FANCE: variants seen among roughly 807,000 people sequenced by gnomAD.
FANCE encodes Fanconi anemia group E protein.
FANCE carries 42 observed loss-of-function variants against 57.8 expected under a neutral mutation model. The ratio of observed to expected loss-of-function variants is 0.73; its 90% confidence interval spans 0.57 to 0.94. The LOEUF is 0.94. Among genes scored for constraint, FANCE ranks in the 40% least tolerant of loss-of-function variants. The probability of loss-of-function intolerance (pLI) is 0.00; values close to 1 mark genes in which losing one functional copy is unlikely to be tolerated. For synonymous variants in FANCE, 251 were observed against 286.4 expected (o/e 0.88, Z 1.25); for missense variants, 608 against 661.8 (o/e 0.92, Z 0.89).
At position 35,457,937 on chromosome 6, in the gene FANCE, GC is replaced by G. The variant is rs587778337; in HGVS notation, c.929del (p.Pro310GlnfsTer54). 2 of 1,613,782 alleles carry G rather than the reference GC, an allele frequency of 1.2e-6. No homozygotes were observed. Among genetic ancestry groups the G allele is most frequent in the South Asian group, 1.1e-5 (1 of 91,080 alleles). On this transcript the variant is annotated frameshift_variant, in exon 4 of 10. Transcript: ENST00000229769. LOFTEE classifies it high-confidence loss of function. The part of the protein sequence containing the change: ...LEEGLEGLED[A>X]PPVELQLLHE... ...CCAGGGGTTAGAGGGATTGGAGGAT[GC>G]CCCCCCAGTTGAGCTACAGCTTCTT...
Position 35,456,087 on chromosome 6 carries a change from C to T in FANCE, c.589C>T (p.Pro197Ser). Residue 197 changes from proline (P) to serine (S), a missense_variant, in exon 2 of 10, where the codon CCT (proline) becomes TCT (serine). By Grantham distance (74) the Pro-to-Ser change is moderately conservative. Transcript: ENST00000229769. This position sits in a 1 kb window ranked among gnomAD's most constrained non-coding sequence, Gnocchi z 4.3. ...EEEENRDSQQ[P>S]GKRRKDSEEE... ...AGAGGAGAACAGGGACTCCCAGCAG[C>T]CTGGGAAACGCAGAAAGGACTCAGA... 6.2e-7 allele frequency: 1 copy of T among 1,613,894 alleles called. No homozygotes were observed. The highest frequency in any genetic ancestry group is 8.5e-7 in the Non-Finnish European group (1 of 1,179,970).
intron 9 of FANCE, among the ~76,000 whole-genome samples, chr6:35,465,994 C>T (rs1767816461): frequency 1.3e-5 from 2 of 152,198 alleles, no homozygotes; most frequent in Admixed American, 1.3e-4. Context: ...ATATAAAGTG[C>T]TGCCACATAG....
chr6:35,454,924 G>A (rs1010865288), intron 1 of FANCE, among the ~76,000 whole-genome samples: 1 of 152,144 alleles, frequency 6.6e-6, no homozygotes, highest in Non-Finnish European at 1.5e-5. Context: ...CTGGGCTGGC[G>A]CTGTGCTGAG....
rs1255996088 is a variant in FANCE, at chr6:35,460,579, G to A, written c.1344G>A (p.Glu448=). Residue 448 remains glutamate (E), a synonymous_variant, in exon 8 of 10, where the codon GAG becomes GAA. Transcript: ENST00000229769. ...AGATCTTGGAGCTGCCCTGGAAGGA[G>A]GAAACTTTCTTGGTGTTGCAGTCAC... The part of the protein sequence containing the change: ...LGQILELPWK[E]ETFLVLQSLL... 4 of 1,614,178 alleles carry A rather than the reference G, an allele frequency of 2.5e-6. No individual in the cohort carries two copies. The highest frequency in any genetic ancestry group is 3.4e-6 in the Non-Finnish European group (4 of 1,180,016).
intron 1 of FANCE, among the ~76,000 whole-genome samples, chr6:35,455,363 A>G (rs1340424258): frequency 6.6e-6 from 1 of 151,044 alleles, no homozygotes; most frequent in Non-Finnish European, 1.5e-5. Context: ...GCTGGAGTGC[A>G]GTGGCATGAT....
At chr6:35,463,310 C>CAA (rs1377454354) in intron 9 of FANCE, among the ~76,000 whole-genome samples, 1 of 151,534 alleles carries the variant, frequency 6.6e-6, no homozygotes, top group African/African-American at 2.4e-5. Flanking sequence ...AAAACAAAAA[C>CAA]AAAAACAAAA....
At chr6:35,462,652 A>G in intron 8 of FANCE, 137 bp from the exon 9 acceptor site, 1 of 958,756 alleles carries the variant, frequency 1.0e-6, no homozygotes. Context: ...ATGGAAATGG[A>G]GGTTTAGGTT....
At chr6:35,459,828 G>A in intron 7 of FANCE, 68 bp downstream of exon 7, 1 of 1,405,884 alleles carries the variant, frequency 7.1e-7, no homozygotes, top group Non-Finnish European at 1.0e-6. Context: ...GACATCACAT[G>A]TGTTGGGCCC....
At chr6:35,460,455 C>T (rs975576744) in intron 7 of FANCE, 97 bp from the exon 8 acceptor site, 1 of 1,255,994 alleles carries the variant, frequency 8.0e-7, no homozygotes, top group African/African-American at 1.5e-5. Flanking sequence ...TTGGCTGTCC[C>T]CAGGGCCTTG....
chr6:35,463,813 G>T (rs1767692110), intron 9 of FANCE, among the ~76,000 whole-genome samples: 1 of 151,800 alleles, frequency 6.6e-6, no homozygotes, highest in Admixed American at 6.6e-5. Context: ...CTGCCACCAC[G>T]CCTGGCTAAT....
intron 4 of FANCE, 109 bp from the exon 5 acceptor site, chr6:35,458,188 C>CCT: frequency 2.0e-6 from 3 of 1,486,838 alleles, no homozygotes; most frequent in Non-Finnish European, 2.8e-6. Context: ...CTTTCTTTGC[C>CCT]CTGGAGTATC....
chr6:35,456,427 G>A lies in FANCE; in HGVS notation c.855+74G>A, dbSNP rs118179009. The A allele has an allele frequency of 4.9e-4, 784 of 1,597,038 alleles. 5 individuals carry two copies. The East Asian group carries it at 0.012, about 25-fold the overall frequency. The stretch of plus-strand genomic sequence containing the variant: ...GCTTTATCCATGGGGAAGGCTGCTT[G>A]GGACACTTTTTCCCAATGGAGTTGA... On this transcript the variant is annotated intron_variant, in intron 2 of 9. Transcript: ENST00000229769. The surrounding 1 kb of genome is among the most constrained non-coding windows in gnomAD (Gnocchi z 4.3).
chr6:35,466,357 G>T lies in FANCE; in HGVS notation c.*12G>T. 6.5e-7 allele frequency: 1 copy of T among 1,545,202 alleles called. No homozygotes were observed. The highest frequency in any genetic ancestry group is 1.1e-5 in the South Asian group (1 of 89,730). On this transcript the variant is annotated 3_prime_UTR_variant, in exon 10 of 10. Coordinates refer to ENST00000229769, the MANE Select transcript of FANCE (RefSeq NM_021922.3). Reference sequence around the variant, plus strand: ...ATTTGGGCCCCTGACCATCCACCAAGGGACCACCCTCTTGGTGCTCCATCA... The same window carrying T: ...ATTTGGGCCCCTGACCATCCACCAATGGACCACCCTCTTGGTGCTCCATCA...
intron 9 of FANCE, among the ~76,000 whole-genome samples, chr6:35,464,350 G>C (rs1767720780): frequency 6.8e-6 from 1 of 147,386 alleles, no homozygotes; most frequent in African/African-American, 2.5e-5. Context: ...CCATTCTCCT[G>C]CCTCAGCCTC....
chr6:35,464,324 G>A (rs1243081673), intron 9 of FANCE, among the ~76,000 whole-genome samples: 15 of 133,230 alleles, frequency 1.1e-4, no homozygotes, highest in African/African-American at 2.2e-4. Context: ...TGCAAGCTCC[G>A]CCTCCCGGGT....
intron 9 of FANCE, among the ~76,000 whole-genome samples, chr6:35,464,533 G>A (rs7767821): frequency 0.14 from 21,706 of 150,348 alleles, 2,870 homozygotes; most frequent in African/African-American, 0.36. Context: ...CACCGTGCCC[G>A]GCCGAGACAG....
intron 6 of FANCE, 36 bp from the exon 7 acceptor site, chr6:35,459,646 C>A: frequency 6.2e-7 from 1 of 1,601,242 alleles, no homozygotes; most frequent in Admixed American, 1.7e-5. Flanking sequence ...TCTGCCATTT[C>A]CCCCCAGACT....
At chr6:35,464,462 C>T (rs1767725961) in intron 9 of FANCE, among the ~76,000 whole-genome samples, 2 of 151,888 alleles carry the variant, frequency 1.3e-5, no homozygotes, top group African/African-American at 4.8e-5. Flanking sequence ...TGGTCTCGAT[C>T]TCCTGACCTT....
intron 9 of FANCE, among the ~76,000 whole-genome samples, 177 bp from the exon 10 acceptor site, chr6:35,466,067 A>G (rs1020139278): frequency 6.6e-5 from 10 of 152,212 alleles, no homozygotes; most frequent in African/African-American, 1.9e-4. Flanking sequence ...TGCAGCTAGT[A>G]TTTGGCTCCA....
Sources: gnomAD v4.1 joint callset for allele counts (sites outside exome capture counted in the v4.1 genomes callset) on GRCh38, gnomAD v4.1.1 for gene constraint, Gnocchi (gnomAD v3.1) non-coding constraint, MANE v1.5 for transcripts, NCBI Gene and HGNC (gene_info 2026-07-23, HGNC 2026-07-21) for gene names.